Variants in WARS1 observed in about 807,000 individuals in gnomAD.
The protein encoded by WARS1 is tryptophanyl-tRNA synthetase 1, also known as tryptophan--tRNA ligase, cytoplasmic.
A neutral mutation model predicts 47.8 loss-of-function variants in WARS1; 17 were observed. That is an observed-to-expected ratio of 0.36 (90% CI 0.24 to 0.53). The LOEUF is 0.53. WARS1 is among the 20% of genes least tolerant of loss of function. The pLI, the probability that WARS1 is intolerant of heterozygous loss-of-function variation, is 0.91. For missense variants in WARS1, 434 were observed against 608.0 expected, an observed-to-expected ratio of 0.71 and a Z score of 3.01; for synonymous variants, 208 against 228.1, an observed-to-expected ratio of 0.91 and a Z score of 0.79.
intron 2 of WARS1, among the ~76,000 whole-genome samples, chr14:100,364,857 A>G (rs188101067): frequency 1.4e-4 from 21 of 152,328 alleles, no homozygotes; most frequent in Non-Finnish European, 2.2e-4. Context: ...TTTATTTTAT[A>G]ATTTTGTTTT....
At chr14:100,365,164 A>C (rs887699628) in intron 2 of WARS1, among the ~76,000 whole-genome samples, 12 of 98,746 alleles carry the variant, frequency 1.2e-4, no homozygotes, top group African/African-American at 4.1e-4. Flanking sequence ...CACACACACA[A>C]ATAATGATTT....
chr14:100,372,653 C>T (rs112922751), intron 1 of WARS1, among the ~76,000 whole-genome samples: 15 of 152,218 alleles, frequency 9.9e-5, no homozygotes, highest in African/African-American at 3.6e-4. Flanking sequence ...AACGATCAAA[C>T]TCATGAAAAT....
In WARS1 at chr14:100,344,612, G is replaced by A. The variant is rs377570650; in HGVS notation, c.827-1225C>T. On this transcript the variant is annotated intron_variant, in intron 7 of 10. Coordinates refer to ENST00000392882, the MANE Select transcript of WARS1 (RefSeq NM_004184.4). ...TGGAAAGTGAGGAGCGTCTCTGCCC[G>A]GCCGCCATCCCATCTAGGAAGTGAG... 4.0e-5 allele frequency among the ~76,000 whole-genome samples: 6 copies of A among 148,650 alleles called. 1 individual carries two copies. In the South Asian group the frequency reaches 8.5e-4, roughly 21 times the overall value.
In WARS1 at chr14:100,345,978, G is replaced by A. The variant is rs74085077; in HGVS notation, c.826+768C>T. The stretch of plus-strand genomic sequence containing the variant: ...TCCAAGCAGGGTGAACGCTCCTCAC[G>A]GAGAGCCCCGGCAGCGCATCCCAGG... On this transcript the variant is annotated intron_variant, in intron 7 of 10. Transcript: ENST00000392882. Among the ~76,000 whole-genome samples the A allele has an allele frequency of 1.9e-3, 296 of 152,340 alleles. 1 individual carries two copies. Among genetic ancestry groups the A allele is most frequent in the African/African-American group, 6.4e-3 (267 of 41,582 alleles).
At chr14:100,340,644 T>G (rs1436895793) in intron 9 of WARS1, 1 of 152,202 alleles carries the variant, frequency 6.6e-6, no homozygotes, top group Non-Finnish European at 1.5e-5. Context: ...CTGCCCTGCC[T>G]GAACCTGTTA....
chr14:100,365,107 G>A (rs1318564404), intron 2 of WARS1, among the ~76,000 whole-genome samples: 1 of 141,504 alleles, frequency 7.1e-6, no homozygotes, highest in East Asian at 2.1e-4. Context: ...GAAAGAGCGA[G>A]ACCCTGTCTC....
intron 6 of WARS1, among the ~76,000 whole-genome samples, 187 bp from the exon 7 acceptor site, chr14:100,347,033 C>A (rs1246963774): frequency 2.6e-5 from 4 of 152,242 alleles, no homozygotes; most frequent in Non-Finnish European, 5.9e-5. Context: ...CTGCATCAGG[C>A]AAAGCAGACA....
At position 100,334,786 on chromosome 14, in the gene WARS1, G is replaced by A. The variant is rs1037012903; in HGVS notation, c.*89C>T. ...GCCCAGTAATTACCATGAGACAGAAGCCTACAGGTGGCGGTGCTTTGACTG... is the reference window on the plus strand; with the variant it reads ...GCCCAGTAATTACCATGAGACAGAAACCTACAGGTGGCGGTGCTTTGACTG... On this transcript the variant is annotated 3_prime_UTR_variant, in exon 11 of 11. Transcript: ENST00000392882. 5 of 1,493,676 alleles carry A rather than the reference G, an allele frequency of 3.3e-6. No individual in the cohort carries two copies. The African/African-American group carries it at 6.9e-5, about 21-fold the overall frequency. The allele number at this position is 1,493,676 out of a possible 1,614,324, so 92.5% of individuals were successfully genotyped here.
At chr14:100,355,086 T>A (rs1895229252) in intron 4 of WARS1, among the ~76,000 whole-genome samples, 2 of 152,112 alleles carry the variant, frequency 1.3e-5, no homozygotes, top group Admixed American at 1.3e-4. Flanking sequence ...TGGGACTAGG[T>A]ATCTTCATCT....
intron 1 of WARS1, among the ~76,000 whole-genome samples, chr14:100,370,085 C>G (rs142234727): frequency 6.6e-6 from 1 of 152,278 alleles, no homozygotes; most frequent in African/African-American, 2.4e-5. Context: ...ACAAAGTGAG[C>G]TCTGGGGTGG....
chr14:100,371,009 G>A (rs914770765), intron 1 of WARS1, among the ~76,000 whole-genome samples: 3 of 152,130 alleles, frequency 2.0e-5, no homozygotes, highest in Admixed American at 6.5e-5. Flanking sequence ...GCAGAGATGC[G>A]TTATAGACTC....
intron 2 of WARS1, chr14:100,368,612 C>A: frequency 2.5e-6 from 1 of 399,436 alleles, no homozygotes; most frequent in Admixed American, 2.9e-5. Context: ...CTTTGAGAAC[C>A]CCTGACTCTT....
chr14:100,343,893 A>G (rs1894344547), intron 7 of WARS1, among the ~76,000 whole-genome samples: 1 of 152,126 alleles, frequency 6.6e-6, no homozygotes, highest in Non-Finnish European at 1.5e-5. Flanking sequence ...TCGGCCTCCC[A>G]AAGTGCTGGG....
At chr14:100,345,573 C>G (rs966090899) in intron 7 of WARS1, among the ~76,000 whole-genome samples, 2 of 151,864 alleles carry the variant, frequency 1.3e-5, no homozygotes, top group African/African-American at 4.8e-5. Context: ...CCTTTGTTCA[C>G]TTGTTTATCT....
intron 1 of WARS1, among the ~76,000 whole-genome samples, chr14:100,372,811 C>G (rs890027708): frequency 6.6e-6 from 1 of 152,184 alleles, no homozygotes; most frequent in Non-Finnish European, 1.5e-5. Flanking sequence ...AAGCCAGAAT[C>G]TGATTCCCAA....
chr14:100,371,307 G>A (rs1297380551), intron 1 of WARS1, among the ~76,000 whole-genome samples: 1 of 151,680 alleles, frequency 6.6e-6, no homozygotes, highest in Non-Finnish European at 1.5e-5. Context: ...AAAATTAGCT[G>A]GGCATGGTGG....
At chr14:100,345,700 G>A (rs1316762396) in intron 7 of WARS1, among the ~76,000 whole-genome samples, 1 of 152,124 alleles carries the variant, frequency 6.6e-6, no homozygotes, top group Non-Finnish European at 1.5e-5. Flanking sequence ...AAGTTATGAT[G>A]AATGTATTTT....
chr14:100,357,547 T>A (rs1020000127), intron 4 of WARS1, among the ~76,000 whole-genome samples: 7 of 152,152 alleles, frequency 4.6e-5, no homozygotes, highest in Admixed American at 4.6e-4. Flanking sequence ...CTGCCACCTC[T>A]GCCTCCTGGG....
At chr14:100,360,747 A>G (rs1159880155) in intron 3 of WARS1, 85 bp from the exon 4 acceptor site, 5 of 989,304 alleles carry the variant, frequency 5.1e-6, no homozygotes, top group Non-Finnish European at 6.1e-6. Context: ...AAAGTGAGTG[A>G]TCCATGCACA....
Sources: gnomAD v4.1 joint callset for allele counts (sites outside exome capture counted in the v4.1 genomes callset) on GRCh38, gnomAD v4.1.1 for gene constraint, MANE v1.5 for transcripts, NCBI Gene and HGNC (gene_info 2026-07-23, HGNC 2026-07-21) for gene names.